Variants in CTNNA2 observed in about 807,000 individuals in gnomAD.
CTNNA2 encodes catenin alpha-2.
Under a neutral mutation model 101.0 loss-of-function variants are expected in CTNNA2, and 42 were observed. That is an observed-to-expected ratio of 0.42 (90% confidence interval 0.32 to 0.54). The LOEUF (loss-of-function observed/expected upper bound fraction) is 0.54. Among genes scored for constraint, CTNNA2 ranks in the 20% least tolerant of loss-of-function variants. The pLI is 0.14. For synonymous variants in CTNNA2, 450 were observed against 456.4 expected (o/e 0.99, Z 0.18); for missense variants, 871 against 1,223.1 (o/e 0.71, Z 4.29).
intron 1 of CTNNA2, among the ~76,000 whole-genome samples, chr2:79,532,709 C>A (rs1672818568): frequency 2.6e-5 from 4 of 152,130 alleles, no homozygotes; most frequent in Admixed American, 2.6e-4. Flanking sequence ...TCTGCTCTCT[C>A]AGTCTCTGTC....
intron 7 of CTNNA2, among the ~76,000 whole-genome samples, chr2:80,368,894 T>A (rs750075138): frequency 6.6e-6 from 1 of 150,386 alleles, no homozygotes; most frequent in Non-Finnish European, 1.5e-5. Flanking sequence ...TTTGGCACGC[T>A]AGGCTAGTGG....
chr2:79,236,206 C>T (rs1674555837), intron 2 of CTNNA2, among the ~76,000 whole-genome samples: 1 of 152,194 alleles, frequency 6.6e-6, no homozygotes, highest in Admixed American at 6.5e-5. Context: ...AATCATAACT[C>T]CCTGTACCCT....
chr2:80,315,504 T>G (rs1383932505), intron 7 of CTNNA2, among the ~76,000 whole-genome samples: 2 of 152,132 alleles, frequency 1.3e-5, no homozygotes, highest in African/African-American at 4.8e-5. Context: ...CAACTAACTT[T>G]AGGTTAGGGT....
intron 2 of CTNNA2, among the ~76,000 whole-genome samples, chr2:79,665,317 T>A (rs1054490703): frequency 1.3e-5 from 2 of 152,220 alleles, no homozygotes; most frequent in Admixed American, 1.3e-4. Context: ...CACAGTGTTT[T>A]GATTCCTGAT....
At chr2:79,664,152 A>G (rs1194295053) in intron 2 of CTNNA2, among the ~76,000 whole-genome samples, 2 of 152,220 alleles carry the variant, frequency 1.3e-5, no homozygotes, top group Non-Finnish European at 2.9e-5. Context: ...CTTCATAATA[A>G]AAGGCATAGT....
At chr2:80,214,251 C>G (rs6746317) in intron 7 of CTNNA2, among the ~76,000 whole-genome samples, 32,368 of 152,002 alleles carry the variant, frequency 0.21, 5,062 homozygotes, top group African/African-American at 0.44. Context: ...GTGATCCTGT[C>G]ATTATGATGT....
intron 4 of CTNNA2, among the ~76,000 whole-genome samples, chr2:79,411,818 T>C (rs538201940): frequency 6.6e-6 from 1 of 152,170 alleles, no homozygotes; most frequent in Admixed American, 6.6e-5. Flanking sequence ...CTATCAAGAC[T>C]AGGAAGAAAC....
chr2:79,338,081 A>C (rs1290920047), intron 3 of CTNNA2, among the ~76,000 whole-genome samples: 1 of 151,858 alleles, frequency 6.6e-6, no homozygotes, highest in Non-Finnish European at 1.5e-5. Flanking sequence ...CCCCATCTCT[A>C]CTAAAAATAC....
chr2:80,095,854 C>A (rs928824495), intron 7 of CTNNA2, among the ~76,000 whole-genome samples: 9 of 151,890 alleles, frequency 5.9e-5, no homozygotes, highest in African/African-American at 1.9e-4. Flanking sequence ...GTGATATCCC[C>A]TTTATCATTT....
chr2:79,367,902 C>T lies in CTNNA2; in HGVS notation c.-317-5929C>T, dbSNP rs569056357. Among the ~76,000 whole-genome samples the T allele has an allele frequency of 1.5e-4, 23 of 152,268 alleles. No individual in the cohort carries two copies. In the South Asian group the frequency reaches 3.1e-3, roughly 21 times the overall value. On this transcript the variant is annotated intron_variant, in intron 3 of 21. Transcript: ENST00000466387. ...CTGCAGTCTATAGATAAGGAATGTT[C>T]TGTATCTTCATTTCTTTATATACTA...
In CTNNA2 at chr2:79,528,719, A is replaced by G. The variant is rs192254684; in HGVS notation, c.-6+15512A>G. On this transcript the variant is annotated intron_variant, in intron 1 of 18. Coordinates refer to ENST00000402739, the MANE Select transcript of CTNNA2 (RefSeq NM_001282597.3). ...AAGCCAATTCACATTGTAGAGTACA[A>G]TTGTACTATGTTCATATAATCACAA... 3.3e-3 allele frequency among the ~76,000 whole-genome samples: 509 copies of G among 152,290 alleles called. 3 individuals are homozygous for G. Among genetic ancestry groups the G allele is most frequent in the African/African-American group, 0.012 (485 of 41,572 alleles).
intron 2 of CTNNA2, among the ~76,000 whole-genome samples, chr2:79,222,256 T>C (rs1459962798): frequency 3.3e-5 from 5 of 152,206 alleles, no homozygotes; most frequent in Admixed American, 2.0e-4. Flanking sequence ...AGCCATGAAA[T>C]GTGTGTTGTC....
chr2:79,694,728 G>A (rs1258830589), intron 2 of CTNNA2, among the ~76,000 whole-genome samples: 1 of 151,776 alleles, frequency 6.6e-6, no homozygotes, highest in Non-Finnish European at 1.5e-5. Flanking sequence ...GTTAGTTACT[G>A]TTCTAAATTC....
intron 7 of CTNNA2, among the ~76,000 whole-genome samples, chr2:80,037,578 G>A (rs1051791184): frequency 1.3e-5 from 2 of 152,146 alleles, no homozygotes; most frequent in African/African-American, 4.8e-5. Context: ...TTTGTCTGGA[G>A]AATTGAGTAA....
intron 2 of CTNNA2, among the ~76,000 whole-genome samples, chr2:79,238,384 G>T (rs1674583538): frequency 6.6e-6 from 1 of 152,064 alleles, no homozygotes; most frequent in Non-Finnish European, 1.5e-5. Flanking sequence ...AAAGACTATT[G>T]ATCACAGATC....
chr2:80,113,367 C>A (rs931119966), intron 7 of CTNNA2, among the ~76,000 whole-genome samples: 1 of 152,122 alleles, frequency 6.6e-6, no homozygotes, highest in Non-Finnish European at 1.5e-5. Context: ...GCAGTACAGG[C>A]GTACACAAGT....
Position 80,423,933 on chromosome 2 carries a change from G to A in CTNNA2, c.1290+4332G>A, listed in dbSNP as rs138426230. Among the ~76,000 whole-genome samples, 1,410 of 152,212 alleles carry A rather than the reference G, an allele frequency of 9.3e-3. 20 individuals are homozygous for A. The highest frequency in any genetic ancestry group is 0.032 in the African/African-American group (1,326 of 41,512). On this transcript the variant is annotated intron_variant, in intron 9 of 18. Transcript: ENST00000402739. ...CAAAAGGGAAATGGGGGAAGGGTAG[G>A]ACTGACTTAAAAACTGTCAGCAAAC...
intron 7 of CTNNA2, among the ~76,000 whole-genome samples, chr2:80,009,381 A>T (rs1693606119): frequency 6.6e-6 from 1 of 152,058 alleles, no homozygotes; most frequent in South Asian, 2.1e-4. Context: ...TATTTTTTAC[A>T]GTTGGAGTTA....
chr2:80,123,290 A>G (rs1450410513), intron 7 of CTNNA2, among the ~76,000 whole-genome samples: 1 of 152,208 alleles, frequency 6.6e-6, no homozygotes, highest in Non-Finnish European at 1.5e-5. Flanking sequence ...GAAAGAAAAC[A>G]GCTTAATGAA....
Sources: allele counts gnomAD v4.1 joint callset (sites outside exome capture counted in the v4.1 genomes callset), GRCh38; gene constraint gnomAD v4.1.1; transcripts MANE v1.5; gene names NCBI Gene and HGNC (gene_info 2026-07-23, HGNC 2026-07-21).